Variants in WNK1 observed in about 807,000 individuals in gnomAD.
WNK1 encodes WNK lysine deficient protein kinase 1.
Under a neutral mutation model 222.8 loss-of-function variants are expected in WNK1, and 38 were observed. The observed-to-expected ratio is 0.17, with a 90% CI of 0.13 to 0.22. The LOEUF is 0.22. WNK1 is among the 10% of genes least tolerant of loss of function. The probability of loss-of-function intolerance (pLI) is 1.00; values close to 1 mark genes in which losing one functional copy is unlikely to be tolerated. For missense variants in WNK1, 2,348 were observed against 2,918.4 expected (o/e 0.80, Z 4.50); for synonymous variants, 1,090 against 1,092.9 (o/e 1.00, Z 0.05).
In WNK1 at chr12:879,656, C is replaced by G. The variant is rs767134352; in HGVS notation, c.2457C>G (p.His819Gln). 8.1e-6 allele frequency: 13 copies of G among 1,613,652 alleles called. No individual in the cohort carries two copies. The highest frequency in any genetic ancestry group is 4.2e-6 in the Non-Finnish European group (5 of 1,179,974). Reference protein sequence around the residue: ...VATQPSVVPVHSGAHFLPVGQ... With the variant: ...VATQPSVVPVQSGAHFLPVGQ... ...CACAACCCTCGGTTGTTCCAGTCCA[C>G]TCTGGTGCTCATTTCCTTCCAGTGG... Residue 819 changes from histidine to glutamine, a missense_variant, in exon 11 of 28, where the codon CAC (histidine) becomes CAG (glutamine). Physicochemically the swap from His to Gln is conservative, Grantham distance 24 (BLOSUM62 0). Transcript: ENST00000315939.
chr12:776,404 T>TTATGTGTTTG (rs1555082766), intron 1 of WNK1, among the ~76,000 whole-genome samples: 5 of 56,446 alleles, frequency 8.9e-5, no homozygotes, highest in Non-Finnish European at 1.9e-4. Flanking sequence ...CTGTGTGTGT[T>TTATGTGTTTG]TGTGTGTTTG....
At chr12:803,934 C>A (rs1946111307) in intron 1 of WNK1, among the ~76,000 whole-genome samples, 1 of 152,010 alleles carries the variant, frequency 6.6e-6, no homozygotes, top group South Asian at 2.1e-4. Flanking sequence ...TAAATTATAA[C>A]AACAATATTA....
rs2154083858 is a variant in WNK1 at position 884,686 on chromosome 12, G to T, written c.3882G>T (p.Leu1294Phe). ...CAGCTCAGAGCCCTGGAATGAACTT[G>T]TCTCACTCTGCATCATCCCTTAGTC... ...ASTAQSPGMN[L>F]SHSASSLSLQ... Residue 1294 changes from leucine to phenylalanine, a missense_variant, in exon 19 of 28, where the codon TTG (leucine) becomes TTT (phenylalanine). Transcript: ENST00000315939. The surrounding 1 kb of genome is among the most constrained non-coding windows in gnomAD (Gnocchi z 5.6). 1.2e-6 allele frequency: 2 copies of T among 1,614,166 alleles called. No homozygotes were observed. The highest frequency in any genetic ancestry group is 1.7e-6 in the Non-Finnish European group (2 of 1,180,024).
At chr12:821,681 C>T (rs969722115) in intron 2 of WNK1, among the ~76,000 whole-genome samples, 3 of 152,156 alleles carry the variant, frequency 2.0e-5, no homozygotes, top group Non-Finnish European at 4.4e-5. Flanking sequence ...AATTTCCTCC[C>T]TTTAATTCTG....
intron 1 of WNK1, among the ~76,000 whole-genome samples, chr12:807,845 G>T (rs934606480): frequency 2.7e-5 from 4 of 145,736 alleles, no homozygotes; most frequent in Non-Finnish European, 6.0e-5. Context: ...TCAGCCTCCC[G>T]AGTAGCTGGG....
At chr12:893,501 C>T (rs1160301556) in intron 22 of WNK1, among the ~76,000 whole-genome samples, 53 of 152,048 alleles carry the variant, frequency 3.5e-4, no homozygotes, top group South Asian at 2.1e-4. Context: ...CATTGTTCCC[C>T]GGAAAGGTTT....
At chr12:815,764 T>G (rs565806546) in intron 2 of WNK1, among the ~76,000 whole-genome samples, 19 of 152,250 alleles carry the variant, frequency 1.2e-4, no homozygotes, top group Admixed American at 2.6e-4. Context: ...TGCCTAAGAT[T>G]ACTCTAAAAT....
At chr12:781,760 A>G (rs1263412561) in intron 1 of WNK1, among the ~76,000 whole-genome samples, 1 of 152,204 alleles carries the variant, frequency 6.6e-6, no homozygotes, top group Non-Finnish European at 1.5e-5. Context: ...AAGTATAAAT[A>G]TGCTCTTATT....
Position 885,934 on chromosome 12 carries a change from C to G in WNK1, c.5130C>G (p.Cys1710Trp), listed in dbSNP as rs1387735694. The change falls in exon 19 of 28, where the codon TGC (cysteine) becomes TGG (tryptophan). Residue 1710 changes from cysteine (C) to tryptophan (W), a missense_variant. Physicochemically the swap from Cys to Trp is radical, Grantham distance 215. Transcript: ENST00000315939. ...TCCTGACTTCTACCACAAGTACTTG[C>G]TTACCACCAACCAATTTACCACTAG... Reference protein sequence around the residue: ...SKLLTSTTSTCLPPTNLPLGT... With the variant: ...SKLLTSTTSTWLPPTNLPLGT... The G allele has an allele frequency of 1.3e-6, 2 of 1,599,940 alleles. No homozygotes were observed. Among genetic ancestry groups the G allele is most frequent in the East Asian group, 4.5e-5 (2 of 44,764 alleles).
At chr12:786,982 A>G (rs1337847329) in intron 1 of WNK1, among the ~76,000 whole-genome samples, 1 of 151,554 alleles carries the variant, frequency 6.6e-6, no homozygotes, top group Non-Finnish European at 1.5e-5. Context: ...CCTGCCTTCT[A>G]TGTGTTTTAT....
intron 10 of WNK1, 122 bp downstream of exon 10, chr12:878,483 C>A: frequency 9.0e-7 from 1 of 1,115,804 alleles, no homozygotes; most frequent in South Asian, 1.4e-5. Flanking sequence ...CTAAGGGTAA[C>A]CAACCCTTGA....
chr12:878,984 CA>C (rs1354503710), intron 10 of WNK1, among the ~76,000 whole-genome samples: 10 of 152,168 alleles, frequency 6.6e-5, no homozygotes, highest in African/African-American at 2.4e-4. Context: ...ACCACATTAT[CA>C]GTTATAAAGT....
At chr12:880,610 A>G in intron 11 of WNK1, 111 bp from the exon 12 acceptor site, 1 of 1,146,798 alleles carries the variant, frequency 8.7e-7, no homozygotes. Flanking sequence ...GAGATTGGCT[A>G]CTATTCTTCT....
At chr12:887,377 C>T (rs777835397) in intron 20 of WNK1, 73 bp downstream of exon 20, 169 of 1,481,314 alleles carry the variant, frequency 1.1e-4, no homozygotes, top group Admixed American at 3.0e-4. Flanking sequence ...TTCTCCACTA[C>T]GTGGTCTTGG....
At chr12:872,858 A>G (rs1159662116) in intron 9 of WNK1, among the ~76,000 whole-genome samples, 7 of 152,234 alleles carry the variant, frequency 4.6e-5, no homozygotes, top group African/African-American at 1.7e-4. Context: ...AGTTGCTTGT[A>G]CAAGATGAAA....
intron 26 of WNK1, chr12:906,891 T>C (rs914126791): frequency 1.1e-5 from 4 of 380,706 alleles, no homozygotes; most frequent in Non-Finnish European, 1.4e-5. Context: ...AAAAATTAAC[T>C]GGGTGTGGAA....
At chr12:778,428 G>C (rs1397147004) in intron 1 of WNK1, among the ~76,000 whole-genome samples, 1 of 152,018 alleles carries the variant, frequency 6.6e-6, no homozygotes, top group African/African-American at 2.4e-5. Flanking sequence ...CACCTCCCGG[G>C]TTCAAGCAGT....
In WNK1 at chr12:884,660, A is replaced by G; in HGVS notation, c.3856A>G (p.Thr1286Ala). The part of the protein sequence containing the change: ...SEITDTVAAS[T>A]AQSPGMNLSH... The stretch of plus-strand genomic sequence containing the variant: ...GTATTCCTTTGCAGTTGCTGCCTCT[A>G]CAGCTCAGAGCCCTGGAATGAACTT... The change falls in exon 19 of 28, where the codon ACA (threonine) becomes GCA (alanine). Residue 1286 changes from threonine to alanine, a missense_variant. Coordinates refer to ENST00000315939, the MANE Select transcript of WNK1 (RefSeq NM_018979.4). This position sits in a 1 kb window ranked among gnomAD's most constrained non-coding sequence, Gnocchi z 5.6. 6.2e-7 allele frequency: 1 copy of G among 1,614,158 alleles called. No homozygotes were observed.
intron 1 of WNK1, among the ~76,000 whole-genome samples, chr12:773,718 G>A (rs1942799936): frequency 6.6e-6 from 1 of 152,082 alleles, no homozygotes; most frequent in African/African-American, 2.4e-5. Flanking sequence ...TTCTGCCCTT[G>A]TGAAACTTAT....
Sources: allele counts gnomAD v4.1 joint callset (sites outside exome capture counted in the v4.1 genomes callset), GRCh38; gene constraint gnomAD v4.1.1; non-coding constraint Gnocchi (gnomAD v3.1); transcripts MANE v1.5; gene names NCBI Gene and HGNC (gene_info 2026-07-23, HGNC 2026-07-21).